BTLA: variants seen among roughly 807,000 people sequenced by gnomAD.
The protein encoded by BTLA is B- and T-lymphocyte attenuator.
In BTLA, 11 loss-of-function variants were observed where a neutral mutation model predicts 25.0. The ratio of observed to expected loss-of-function variants is 0.44; its 90% CI spans 0.28 to 0.73. The LOEUF is 0.73. Ranked by LOEUF, BTLA falls within the 30% of genes least tolerant of loss-of-function variation. BTLA has a pLI of 0.15. For synonymous variants in BTLA, 104 were observed against 119.8 expected (o/e 0.87, Z 0.86); for missense variants, 282 against 332.8 (o/e 0.85, Z 1.19).
At chr3:112,481,961 A>T (rs1333725367) in intron 1 of BTLA, among the ~76,000 whole-genome samples, 1 of 152,202 alleles carries the variant, frequency 6.6e-6, no homozygotes, top group East Asian at 1.9e-4. Context: ...GCTTTCCGTA[A>T]AGTCCTAAGA....
At chr3:112,466,447 C>G in intron 4 of BTLA, 64 bp from the exon 5 acceptor site, 1 of 1,411,744 alleles carries the variant, frequency 7.1e-7, no homozygotes. Flanking sequence ...TATTCATTAG[C>G]AAACTATGAA....
chr3:112,482,000 C>T (rs999382177), intron 1 of BTLA, among the ~76,000 whole-genome samples: 1 of 152,204 alleles, frequency 6.6e-6, no homozygotes, highest in Non-Finnish European at 1.5e-5. Context: ...AAGTTCTTAG[C>T]AACTGTATGA....
At chr3:112,470,966 A>G (rs938502817) in intron 3 of BTLA, among the ~76,000 whole-genome samples, 2 of 152,236 alleles carry the variant, frequency 1.3e-5, no homozygotes, top group African/African-American at 4.8e-5. Context: ...GCAATGTGCT[A>G]TGCTCGCCAC....
chr3:112,466,531 C>T, intron 4 of BTLA, 148 bp from the exon 5 acceptor site: 2 of 658,378 alleles, frequency 3.0e-6, no homozygotes, highest in South Asian at 7.0e-5. Context: ...CTGACATCTA[C>T]ACTTTCAGCT....
rs35513528 is a variant in BTLA at position 112,483,140 on chromosome 3, C to CTTTTTTT, written c.89-3378_89-3372dup. Among the ~76,000 whole-genome samples the CTTTTTTT allele has an allele frequency of 1.4e-4, 7 of 51,666 alleles. 1 individual carries two copies. Among genetic ancestry groups the CTTTTTTT allele is most frequent in the African/African-American group, 3.6e-4 (6 of 16,838 alleles). The allele number at this position is 51,666 out of a possible 152,430, so 33.9% of individuals were successfully genotyped here. On this transcript the variant is annotated intron_variant, in intron 1 of 4. Coordinates refer to ENST00000334529, the MANE Select transcript of BTLA (RefSeq NM_181780.4). The stretch of plus-strand genomic sequence containing the variant: ...AGTATCTAACAAAGAGGGCACCTTT[C>CTTTTTTT]TTTTTTTTTTTTTTTTTTTTTTTTG...
intron 4 of BTLA, among the ~76,000 whole-genome samples, chr3:112,468,456 AGAC>A (rs1460278437): frequency 1.3e-5 from 2 of 152,220 alleles, no homozygotes; most frequent in Non-Finnish European, 2.9e-5. Context: ...CTGAAATGCT[AGAC>A]AACTGAAATG....
Position 112,464,121 on chromosome 3 carries a change from C to A in BTLA, c.*1987G>T. On this transcript the variant is annotated 3_prime_UTR_variant, in exon 5 of 5. Transcript: ENST00000334529. ...CATGTAAATAATAGTGAAGTAGAGT[C>A]ATTTGGGAAAATGCATGTATGTCTC... is the stretch of plus-strand genomic sequence containing the variant. The A allele has an allele frequency of 5.0e-6, 2 of 397,884 alleles. No individual in the cohort carries two copies. The highest frequency in any genetic ancestry group is 2.6e-4 in the South Asian group (2 of 7,820). 24.6% of individuals were successfully genotyped at this position (397,884 alleles called of 1,614,324 possible).
chr3:112,472,494 C>T (rs1033464840), intron 2 of BTLA, among the ~76,000 whole-genome samples: 4 of 151,848 alleles, frequency 2.6e-5, no homozygotes, highest in Non-Finnish European at 5.9e-5. Context: ...ATCAGGAGTT[C>T]GAGACCAGCA....
chr3:112,465,979 G>C lies in BTLA; in HGVS notation c.*129C>G. 9.5e-7 allele frequency: 1 copy of C among 1,055,222 alleles called. No homozygotes were observed. Among genetic ancestry groups the C allele is most frequent in the South Asian group, 2.0e-5 (1 of 49,948 alleles). The allele number at this position is 1,055,222 out of a possible 1,614,324, so 65.4% of individuals were successfully genotyped here. ...TATCCTATGGACCCTTAAGACCCAA[G>C]CACTAACATGAACATTTCTAAAGTA... is the stretch of plus-strand genomic sequence containing the variant. On this transcript the variant is annotated 3_prime_UTR_variant, in exon 5 of 5. Coordinates refer to ENST00000334529, the MANE Select transcript of BTLA (RefSeq NM_181780.4).
chr3:112,495,688 T>A (rs902159112), intron 1 of BTLA, among the ~76,000 whole-genome samples: 1 of 152,214 alleles, frequency 6.6e-6, no homozygotes, highest in Admixed American at 6.5e-5. Context: ...CATTCCTCCA[T>A]ATGCACATTT....
intron 2 of BTLA, among the ~76,000 whole-genome samples, chr3:112,477,760 C>T (rs2082296497): frequency 6.6e-6 from 1 of 151,976 alleles, no homozygotes; most frequent in Admixed American, 6.6e-5. Flanking sequence ...ATAGTTTTAG[C>T]TCTTCTACTT....
intron 1 of BTLA, among the ~76,000 whole-genome samples, chr3:112,496,178 C>A (rs985366183): frequency 1.3e-5 from 2 of 152,166 alleles, no homozygotes; most frequent in African/African-American, 4.8e-5. Context: ...CAGCCTCAGA[C>A]AAATGGTCCA....
In BTLA at chr3:112,466,108, T is replaced by C; in HGVS notation, c.870A>G (p.Ter290=). Residue 290 remains the stop codon, a stop_retained_variant, in exon 5 of 5, where the codon TAA becomes TAG. Coordinates refer to ENST00000334529, the MANE Select transcript of BTLA (RefSeq NM_181780.4). ...TEYASICVRS[*] ...GTCCCTGTTGGAGTCAGAAACAGAC[T>C]TAACTCCTCACACATATGGATGCAT... 6.3e-7 allele frequency: 1 copy of C among 1,584,400 alleles called. No individual in the cohort carries two copies. The highest frequency in any genetic ancestry group is 8.6e-7 in the Non-Finnish European group (1 of 1,158,152).
At chr3:112,493,841 G>C (rs924834791) in intron 1 of BTLA, among the ~76,000 whole-genome samples, 1 of 152,102 alleles carries the variant, frequency 6.6e-6, no homozygotes, top group East Asian at 1.9e-4. Context: ...GGCTGGGCGC[G>C]GTGGCTCACG....
intron 1 of BTLA, among the ~76,000 whole-genome samples, chr3:112,485,171 G>A (rs575266117): frequency 2.4e-4 from 36 of 150,608 alleles, no homozygotes; most frequent in African/African-American, 8.3e-4. Flanking sequence ...CAGCCTCCCC[G>A]GTGGCTGGGA....
chr3:112,469,473 C>A (rs1439219678), intron 4 of BTLA, among the ~76,000 whole-genome samples: 5 of 151,870 alleles, frequency 3.3e-5, no homozygotes, highest in Non-Finnish European at 5.9e-5. Flanking sequence ...CAGTCTCTGA[C>A]TTTTCTGTCT....
intron 2 of BTLA, among the ~76,000 whole-genome samples, chr3:112,472,315 G>T (rs2082266867): frequency 6.6e-6 from 1 of 152,024 alleles, no homozygotes; most frequent in Non-Finnish European, 1.5e-5. Flanking sequence ...GTGCATTATG[G>T]GTTGTGATGT....
chr3:112,495,767 T>C (rs191025783), intron 1 of BTLA, among the ~76,000 whole-genome samples: 7 of 152,310 alleles, frequency 4.6e-5, no homozygotes, highest in Admixed American at 3.9e-4. Flanking sequence ...AAACCTGAAC[T>C]TCAAGGAATG....
chr3:112,479,115 C>G (rs775478076), intron 2 of BTLA, among the ~76,000 whole-genome samples: 1 of 151,728 alleles, frequency 6.6e-6, no homozygotes, highest in African/African-American at 2.4e-5. Flanking sequence ...GAAGGACAAG[C>G]AATCACAGAG....
Sources: gnomAD v4.1 joint callset for allele counts (sites outside exome capture counted in the v4.1 genomes callset) on GRCh38, gnomAD v4.1.1 for gene constraint, MANE v1.5 for transcripts, NCBI Gene and HGNC (gene_info 2026-07-23, HGNC 2026-07-21) for gene names.